MAST4: variants seen among roughly 807,000 people sequenced by gnomAD.
The protein encoded by MAST4 is microtubule-associated serine/threonine-protein kinase 4.
MAST4 carries 89 observed loss-of-function variants against 162.7 expected under a neutral mutation model. That is an observed-to-expected ratio of 0.55 (90% CI 0.46 to 0.65). The LOEUF (loss-of-function observed/expected upper bound fraction) is 0.65, where lower values mean the gene tolerates loss of function less well. MAST4 is among the 30% of genes least tolerant of loss of function. MAST4 has a pLI of 0.00. For missense variants in MAST4, 3,153 were observed against 3,374.0 expected, an observed-to-expected ratio of 0.93 and a Z score of 1.62; for synonymous variants, 1,479 against 1,361.1, an observed-to-expected ratio of 1.09 and a Z score of -1.91.
intron 14 of MAST4, among the ~76,000 whole-genome samples, chr5:67,127,318 C>T (rs1047865776): frequency 9.2e-5 from 14 of 152,112 alleles, no homozygotes; most frequent in African/African-American, 2.9e-4. Flanking sequence ...TGCTGGTTTT[C>T]GAAGGGAGTG....
At chr5:67,161,188 C>T (rs563735078) in intron 27 of MAST4, among the ~76,000 whole-genome samples, 1 of 152,174 alleles carries the variant, frequency 6.6e-6, no homozygotes, top group African/African-American at 2.4e-5. Context: ...CCAGGCAGCT[C>T]TCTGGGTGTG....
At chr5:66,684,506 G>C (rs1580189037) in intron 1 of MAST4, among the ~76,000 whole-genome samples, 1 of 152,276 alleles carries the variant, frequency 6.6e-6, no homozygotes, top group East Asian at 1.9e-4. Context: ...AAATTGCTCT[G>C]GAAGGAGTCT....
At chr5:66,657,981 T>C (rs1310786956) in intron 1 of MAST4, among the ~76,000 whole-genome samples, 1 of 152,238 alleles carries the variant, frequency 6.6e-6, no homozygotes, top group Non-Finnish European at 1.5e-5. Flanking sequence ...ATACGAAGAA[T>C]AATTATATAC....
At position 66,604,774 on chromosome 5, in the gene MAST4, T is replaced by C. The variant is rs193099316; in HGVS notation, c.363+7756T>C. 2.3e-3 allele frequency among the ~76,000 whole-genome samples: 347 copies of C among 152,370 alleles called. 3 individuals are homozygous for C. The highest frequency in any genetic ancestry group is 7.9e-3 in the African/African-American group (327 of 41,594). ...TCTCAGACTTCCTTCTTAACATTTT[T>C]CTTTTCAGGCATTTCTCCATACAGA... On this transcript the variant is annotated intron_variant, in intron 1 of 28. Coordinates refer to ENST00000403625, the MANE Select transcript of MAST4 (RefSeq NM_001164664.2).
chr5:66,871,876 T>G (rs868460257), intron 3 of MAST4, among the ~76,000 whole-genome samples: 33 of 152,200 alleles, frequency 2.2e-4, no homozygotes, highest in African/African-American at 7.7e-4. Context: ...CATCCCTAGA[T>G]TCTCATGCTC....
At chr5:67,095,962 GA>G (rs1764417295) in intron 7 of MAST4, among the ~76,000 whole-genome samples, 1 of 152,082 alleles carries the variant, frequency 6.6e-6, no homozygotes. Context: ...AGTTCGGGGG[GA>G]AAAACACAAT....
chr5:67,139,874 G>T (rs1032740166), intron 19 of MAST4, among the ~76,000 whole-genome samples: 2 of 152,150 alleles, frequency 1.3e-5, no homozygotes, highest in African/African-American at 4.8e-5. Flanking sequence ...CCAGCTTCTC[G>T]TAAGTGAGGC....
At chr5:66,695,772 A>G (rs1002701982) in intron 1 of MAST4, among the ~76,000 whole-genome samples, 4 of 152,208 alleles carry the variant, frequency 2.6e-5, no homozygotes, top group South Asian at 2.1e-4. Context: ...AATTAGTTCA[A>G]CCATTGTGGA....
chr5:66,835,178 T>G (rs1757877227), intron 3 of MAST4, among the ~76,000 whole-genome samples: 1 of 152,216 alleles, frequency 6.6e-6, no homozygotes, highest in Non-Finnish European at 1.5e-5. Context: ...AATCTCCCTT[T>G]GAAGTCTCAT....
At position 67,018,906 on chromosome 5, in the gene MAST4, C is replaced by CA. The variant is rs926295181; in HGVS notation, c.675-35491dup. ...TAAATTTTAAATACATGGCTCAAGA[C>CA]AAAAAAATGGGGAAAATATTTTTTA... On this transcript the variant is annotated intron_variant, in intron 4 of 28. Coordinates refer to ENST00000403625, the MANE Select transcript of MAST4 (RefSeq NM_001164664.2). Among the ~76,000 whole-genome samples the CA allele has an allele frequency of 9.2e-5, 14 of 151,984 alleles. No individual in the cohort carries two copies. The East Asian group carries it at 1.2e-3, about 13-fold the overall frequency.
intron 1 of MAST4, among the ~76,000 whole-genome samples, chr5:66,624,239 G>C (rs1383133192): frequency 1.5e-5 from 2 of 133,830 alleles, no homozygotes; most frequent in Non-Finnish European, 3.0e-5. Flanking sequence ...TGCAAGCTCT[G>C]CCTCCCGGTT....
intron 2 of MAST4, among the ~76,000 whole-genome samples, chr5:66,780,593 C>T (rs1458503685): frequency 6.6e-6 from 1 of 152,174 alleles, no homozygotes; most frequent in African/African-American, 2.4e-5. Flanking sequence ...AGTGAAAGAA[C>T]AAAGCTTCCA....
chr5:67,054,638 T>C (rs1011416169), intron 5 of MAST4, 146 bp downstream of exon 5: 12 of 705,712 alleles, frequency 1.7e-5, no homozygotes, highest in African/African-American at 1.7e-4. Flanking sequence ...CTTTGCGATA[T>C]GTTAGCCCAG....
At chr5:66,662,569 C>G (rs544946696) in intron 1 of MAST4, 1 of 152,126 alleles carries the variant, frequency 6.6e-6, no homozygotes, top group African/African-American at 2.4e-5. Context: ...TTTGGGCAAT[C>G]CACAAACACA....
chr5:66,875,328 T>C (rs1338687429), intron 3 of MAST4, among the ~76,000 whole-genome samples: 5 of 152,230 alleles, frequency 3.3e-5, no homozygotes, highest in Non-Finnish European at 7.3e-5. Flanking sequence ...AAATTTCTAA[T>C]AGAAAATTCT....
intron 1 of MAST4, among the ~76,000 whole-genome samples, chr5:66,644,488 G>T (rs1190035538): frequency 6.6e-6 from 1 of 152,056 alleles, no homozygotes; most frequent in Non-Finnish European, 1.5e-5. Context: ...AATCTCTTTG[G>T]CTCAGCTTAG....
intron 2 of MAST4, 65 bp from the exon 3 acceptor site, chr5:66,788,605 C>CCCCAACCAAAAAAAAAAAAAA: frequency 7.4e-7 from 1 of 1,344,528 alleles, no homozygotes; most frequent in Non-Finnish European, 1.0e-6. Context: ...CACCCCCACC[C>CCCCAACCAAAAAAAAAAAAAA]CCATTGCAAT....
chr5:66,802,664 T>A (rs1235403295), intron 3 of MAST4, among the ~76,000 whole-genome samples: 1 of 152,154 alleles, frequency 6.6e-6, no homozygotes, highest in Non-Finnish European at 1.5e-5. Flanking sequence ...CTCTTCTAAT[T>A]TGGGAGTGTG....
intron 16 of MAST4, among the ~76,000 whole-genome samples, chr5:67,132,450 C>T (rs1179774163): frequency 6.6e-6 from 1 of 152,012 alleles, no homozygotes; most frequent in African/African-American, 2.4e-5. Flanking sequence ...ACAATAGCTT[C>T]ATAGAATGCT....
Sources: gnomAD v4.1 joint callset for allele counts (sites outside exome capture counted in the v4.1 genomes callset) on GRCh38, gnomAD v4.1.1 for gene constraint, MANE v1.5 for transcripts, NCBI Gene and HGNC (gene_info 2026-07-23, HGNC 2026-07-21) for gene names.